Variants in TRPC3 observed in about 807,000 individuals in gnomAD.
TRPC3 encodes the protein short transient receptor potential channel 3.
In TRPC3, 54 loss-of-function variants were observed where a neutral mutation model predicts 90.9. The observed-to-expected ratio is 0.59, with a 90% CI of 0.48 to 0.75. The LOEUF is 0.75. Ranked by LOEUF, TRPC3 falls within the 30% of genes least tolerant of loss-of-function variation. The pLI, the probability that TRPC3 is intolerant of heterozygous loss-of-function variation, is 0.00. For missense variants in TRPC3, 918 were observed against 1,194.5 expected (o/e 0.77, Z 3.41); for synonymous variants, 424 against 450.9 (o/e 0.94, Z 0.75).
chr4:121,892,998 G>A (rs1222506589), intron 10 of TRPC3, among the ~76,000 whole-genome samples: 1 of 151,838 alleles, frequency 6.6e-6, no homozygotes, highest in Non-Finnish European at 1.5e-5. Context: ...GCAGGCACCA[G>A]TAGTCCCAGC....
In TRPC3 at chr4:121,907,303, G is replaced by T; in HGVS notation, c.2057C>A (p.Thr686Asn). ...LGAKVNAAFTTVEESFKTLFW... is the reference protein window; with the variant it reads ...LGAKVNAAFTNVEESFKTLFW... ...CTGTATAATAAGATATTTTACTTAC[G>T]TGGTAAAAGCAGCATTAACTTTAGC... The change falls in exon 7 of 12, where the codon ACT becomes AAT. Residue 686 changes from threonine to asparagine, a missense_variant and splice_region_variant. Transcript: ENST00000379645. 1 of 1,601,498 alleles carries T rather than the reference G, an allele frequency of 6.2e-7. No individual in the cohort carries two copies. The highest frequency in any genetic ancestry group is 8.5e-7 in the Non-Finnish European group (1 of 1,175,484).
chr4:121,941,383 T>C (rs920199397), intron 1 of TRPC3, among the ~76,000 whole-genome samples: 29 of 152,152 alleles, frequency 1.9e-4, no homozygotes, highest in African/African-American at 6.5e-4. Flanking sequence ...GTTCACCACA[T>C]TGAAGAAAGT....
intron 1 of TRPC3, among the ~76,000 whole-genome samples, chr4:121,948,114 T>C (rs1730554069): frequency 6.6e-6 from 1 of 152,124 alleles, no homozygotes; most frequent in African/African-American, 2.4e-5. Flanking sequence ...TAAACTTGTA[T>C]TTCCTTTTCC....
At chr4:121,882,958 C>T (rs1727993144) in intron 10 of TRPC3, among the ~76,000 whole-genome samples, 1 of 151,918 alleles carries the variant, frequency 6.6e-6, no homozygotes, top group Non-Finnish European at 1.5e-5. Flanking sequence ...ATACTAATTA[C>T]TGTAAGTATT....
In TRPC3 at chr4:121,932,284, T is replaced by C; in HGVS notation, c.974A>G (p.Glu325Gly). 6.2e-7 allele frequency: 1 copy of C among 1,613,874 alleles called. No individual in the cohort carries two copies. The highest frequency in any genetic ancestry group is 1.1e-5 in the South Asian group (1 of 91,062). ...SNELAKLANI[E>G]KEFKNDYRKL... is the part of the protein sequence containing the mutation. Reference sequence around the variant, plus strand: ...CGCAAAGCTTACCTTGAACTCCTTCTCTATGTTGGCCAGCTTGGCCAGCTC... The same window carrying C: ...CGCAAAGCTTACCTTGAACTCCTTCCCTATGTTGGCCAGCTTGGCCAGCTC... The change falls in exon 2 of 12, where the codon GAG becomes GGG. Residue 325 changes from glutamate to glycine, a missense_variant. Physicochemically the swap from Glu to Gly is moderately conservative, Grantham distance 98. This residue lies in a region of TRPC3 where 609 missense variants were observed against 725.9 expected (regional missense o/e 0.84). Transcript: ENST00000379645. The surrounding 1 kb of genome is among the most constrained non-coding windows in gnomAD (Gnocchi z 7.7).
chr4:121,880,558 T>C (rs1391966792), intron 11 of TRPC3, among the ~76,000 whole-genome samples: 1 of 152,096 alleles, frequency 6.6e-6, no homozygotes. Flanking sequence ...AATAAATTGC[T>C]CCCATAATTC....
At chr4:121,933,320 T>G (rs867295656) in intron 1 of TRPC3, 6 of 405,740 alleles carry the variant, frequency 1.5e-5, no homozygotes, top group Non-Finnish European at 2.3e-5. Context: ...AATAAAAATT[T>G]CCATATACCC....
intron 11 of TRPC3, among the ~76,000 whole-genome samples, chr4:121,881,310 C>G (rs1480989780): frequency 6.6e-6 from 1 of 151,978 alleles, no homozygotes; most frequent in Admixed American, 6.6e-5. Flanking sequence ...ATTGATTTTC[C>G]CCTTTTGTGC....
At chr4:121,910,544 C>T (rs1729043929) in intron 5 of TRPC3, among the ~76,000 whole-genome samples, 157 bp from the exon 6 acceptor site, 1 of 152,108 alleles carries the variant, frequency 6.6e-6, no homozygotes, top group Non-Finnish European at 1.5e-5. Flanking sequence ...GTCACTGAGG[C>T]CCTGTGCAGA....
At chr4:121,921,500 C>T (rs1156661232) in intron 3 of TRPC3, among the ~76,000 whole-genome samples, 3 of 117,170 alleles carry the variant, frequency 2.6e-5, no homozygotes, top group African/African-American at 1.0e-4. Flanking sequence ...CCAGCCTGGG[C>T]GACAGAGCGA....
intron 4 of TRPC3, 53 bp from the exon 5 acceptor site, chr4:121,912,146 G>A: frequency 6.6e-7 from 1 of 1,525,544 alleles, no homozygotes. Context: ...GCTTTCACTT[G>A]TGGAGATTAC....
At chr4:121,928,860 TTAACAGGCTTGGTTC>T (rs1408007748) in intron 2 of TRPC3, among the ~76,000 whole-genome samples, 1 of 152,152 alleles carries the variant, frequency 6.6e-6, no homozygotes, top group Non-Finnish European at 1.5e-5. Context: ...AATTCAACTC[TTAACAGGCTTGGTTC>T]TGTCAGGCTC....
intron 10 of TRPC3, among the ~76,000 whole-genome samples, chr4:121,887,607 C>T (rs896950558): frequency 2.6e-5 from 4 of 152,138 alleles, no homozygotes; most frequent in Non-Finnish European, 5.9e-5. Flanking sequence ...CTGTCCAATA[C>T]TGTATTTGTT....
intron 1 of TRPC3, among the ~76,000 whole-genome samples, chr4:121,948,514 C>T (rs1483162421): frequency 6.6e-6 from 1 of 152,176 alleles, no homozygotes; most frequent in Non-Finnish European, 1.5e-5. Context: ...AGTGGGTTTG[C>T]TCAAATTACT....
rs199754762 is a variant in TRPC3, at chr4:121,932,368, G to C, written c.890C>G (p.Pro297Arg). 16 of 1,614,134 alleles carry C rather than the reference G, an allele frequency of 9.9e-6. No homozygotes were observed. The East Asian group carries it at 3.6e-4, about 36-fold the overall frequency. The change falls in exon 2 of 12, where the codon CCG becomes CGG. Residue 297 changes from proline to arginine, a missense_variant. By Grantham distance (103) the Pro-to-Arg change is moderately radical. Coordinates refer to ENST00000379645, the MANE Select transcript of TRPC3 (RefSeq NM_001130698.2). The surrounding 1 kb of genome is among the most constrained non-coding windows in gnomAD (Gnocchi z 7.7). The part of the protein sequence containing the change: ...RINAYKGLAS[P>R]AYLSLSSEDP... ...CTCGCTGGACAATGAGAGGTAAGCC[G>C]GGCTGGCCAGCCCCTTGTAGGCATT... is the stretch of plus-strand genomic sequence containing the variant.
chr4:121,929,338 T>C (rs1273464994), intron 2 of TRPC3, among the ~76,000 whole-genome samples: 2 of 152,168 alleles, frequency 1.3e-5, no homozygotes, highest in African/African-American at 2.4e-5. Context: ...ATTGTTTTTT[T>C]ACTTTAAGGA....
chr4:121,922,055 A>C (rs979718430), intron 3 of TRPC3, among the ~76,000 whole-genome samples: 15 of 151,660 alleles, frequency 9.9e-5, no homozygotes, highest in African/African-American at 3.6e-4. Flanking sequence ...AGTAGCTGCA[A>C]CTACAGGTGC....
rs1727790428 is a variant in TRPC3, at chr4:121,877,314, G to A, written c.*2422C>T. Among the ~76,000 whole-genome samples the A allele has an allele frequency of 6.6e-6, 1 of 152,230 alleles. No individual in the cohort carries two copies. Among genetic ancestry groups the A allele is most frequent in the African/African-American group, 2.4e-5 (1 of 41,464 alleles). On this transcript the variant is annotated 3_prime_UTR_variant, in exon 12 of 12. Coordinates refer to ENST00000379645, the MANE Select transcript of TRPC3 (RefSeq NM_001130698.2). ...AAGGAAACTGGAAAAGGCAGAGGAA[G>A]AATCTAAACCAGGATTTCATCTCAG...
At chr4:121,898,633 T>C (rs1274280797) in intron 10 of TRPC3, among the ~76,000 whole-genome samples, 1 of 152,142 alleles carries the variant, frequency 6.6e-6, no homozygotes, top group South Asian at 2.1e-4. Flanking sequence ...AACAATGATA[T>C]ATTAATATTA....
Sources: gnomAD v4.1 joint callset for allele counts (sites outside exome capture counted in the v4.1 genomes callset) on GRCh38, gnomAD v4.1.1 for gene constraint, gnomAD v4.1.1 regional missense constraint, Gnocchi (gnomAD v3.1) non-coding constraint, MANE v1.5 for transcripts, NCBI Gene and HGNC (gene_info 2026-07-23, HGNC 2026-07-21) for gene names.